Variants in NCAM2 observed in about 807,000 individuals in gnomAD.
NCAM2 encodes the protein neural cell adhesion molecule 2, also known as N-CAM-2.
In NCAM2, 30 loss-of-function variants were observed where a neutral mutation model predicts 98.1. The observed-to-expected ratio is 0.31, with a 90% CI of 0.23 to 0.41. The LOEUF (loss-of-function observed/expected upper bound fraction) is 0.41, where lower values mean the gene tolerates loss of function less well. Ranked by LOEUF, NCAM2 falls within the 10% of genes least tolerant of loss-of-function variation. The pLI is 1.00. For missense variants in NCAM2, 867 were observed against 1,005.8 expected, an observed-to-expected ratio of 0.86 and a Z score of 1.87; for synonymous variants, 368 against 342.4, an observed-to-expected ratio of 1.07 and a Z score of -0.83.
Position 21,325,402 on chromosome 21 carries a change from T to C in NCAM2, c.737+902T>C, listed in dbSNP as rs149169795. Among the ~76,000 whole-genome samples, 1,432 of 152,334 alleles carry C rather than the reference T, an allele frequency of 9.4e-3. 10 individuals are homozygous for C. The highest frequency in any genetic ancestry group is 0.013 in the Non-Finnish European group (907 of 68,016). ...TTTTTTGCTTGAGCATGTACTGATA[T>C]TACCTTCAACTTTCAACCCTTTGTT... On this transcript the variant is annotated intron_variant, in intron 6 of 17. Coordinates refer to ENST00000400546, the MANE Select transcript of NCAM2 (RefSeq NM_004540.5).
Position 21,265,002 on chromosome 21 carries a change from ATACACATATATAT to A in NCAM2, c.56-15573_56-15561del. Reference sequence around the variant, plus strand: ...ATATTATATATGTGTATGTGTATATATACACATATATATTATATATGTGTCTGTGTATATATGT... The same window carrying A: ...ATATTATATATGTGTATGTGTATATATATATATGTGTCTGTGTATATATGT... On this transcript the variant is annotated intron_variant, in intron 1 of 17. Transcript: ENST00000400546. Among the ~76,000 whole-genome samples the A allele has an allele frequency of 1.8e-5, 2 of 110,248 alleles. 1 individual carries two copies. Among genetic ancestry groups the A allele is most frequent in the Non-Finnish European group, 3.6e-5 (2 of 55,050 alleles). The allele number at this position is 110,248 out of a possible 152,430, so 72.3% of individuals were successfully genotyped here. A position where few individuals can be genotyped will look rare whatever the true frequency, so the allele number is the denominator to read the frequency against.
chr21:21,391,282 A>G (rs1367653528), intron 9 of NCAM2, among the ~76,000 whole-genome samples: 4 of 152,212 alleles, frequency 2.6e-5, no homozygotes, highest in African/African-American at 9.6e-5. Flanking sequence ...ATAATTGAAC[A>G]TACTTACAAA....
chr21:21,205,121 C>G (rs1362411301), intron 1 of NCAM2, among the ~76,000 whole-genome samples: 1 of 152,116 alleles, frequency 6.6e-6, no homozygotes, highest in African/African-American at 2.4e-5. Flanking sequence ...AAACCGTATT[C>G]ATTTCTTGTT....
chr21:21,050,661 G>A (rs1380613535), intron 1 of NCAM2, among the ~76,000 whole-genome samples: 1 of 152,100 alleles, frequency 6.6e-6, no homozygotes, highest in Non-Finnish European at 1.5e-5. Flanking sequence ...GTCTGATATT[G>A]GAGATCTAAC....
chr21:21,087,802 C>A (rs1353552601), intron 1 of NCAM2, among the ~76,000 whole-genome samples: 1 of 152,060 alleles, frequency 6.6e-6, no homozygotes, highest in African/African-American at 2.4e-5. Flanking sequence ...CTTTCTTTGG[C>A]CCCTGGAAGG....
intron 5 of NCAM2, among the ~76,000 whole-genome samples, chr21:21,323,497 A>G (rs2074430757): frequency 1.3e-5 from 2 of 152,176 alleles, no homozygotes; most frequent in Non-Finnish European, 2.9e-5. Flanking sequence ...TGTAAAAAAT[A>G]TTAATATACT....
intron 1 of NCAM2, among the ~76,000 whole-genome samples, chr21:21,011,802 C>A: frequency 6.6e-6 from 1 of 151,026 alleles, no homozygotes; most frequent in South Asian, 2.1e-4. Flanking sequence ...ACAAATAACC[C>A]AATTTAAAAA....
chr21:21,399,485 G>C (rs562091779), intron 9 of NCAM2, among the ~76,000 whole-genome samples: 3 of 152,290 alleles, frequency 2.0e-5, no homozygotes, highest in African/African-American at 7.2e-5. Context: ...GCTTTGAAGA[G>C]TATGTAGGAC....
intron 9 of NCAM2, among the ~76,000 whole-genome samples, chr21:21,389,547 A>G: frequency 6.6e-6 from 1 of 152,220 alleles, no homozygotes; most frequent in East Asian, 1.9e-4. Context: ...ATCTAACTGC[A>G]ATTTTGTACC....
chr21:21,134,828 C>T (rs1186595001), intron 1 of NCAM2, among the ~76,000 whole-genome samples: 1 of 151,894 alleles, frequency 6.6e-6, no homozygotes, highest in Admixed American at 6.6e-5. Context: ...ATCCTCCCAC[C>T]TCAGCCTCCT....
chr21:21,352,278 T>TTGG (rs986009154), intron 8 of NCAM2, among the ~76,000 whole-genome samples: 4 of 151,666 alleles, frequency 2.6e-5, no homozygotes, highest in East Asian at 3.9e-4. Flanking sequence ...GCTGTTGTTG[T>TTGG]TGGTGGTGGT....
intron 6 of NCAM2, among the ~76,000 whole-genome samples, chr21:21,326,896 T>C (rs992016543): frequency 1.3e-5 from 2 of 152,146 alleles, no homozygotes; most frequent in Non-Finnish European, 2.9e-5. Flanking sequence ...GTCATGTTTG[T>C]GGAAAAGAAA....
At chr21:21,355,639 G>A (rs554710965) in intron 8 of NCAM2, among the ~76,000 whole-genome samples, 37 of 151,332 alleles carry the variant, frequency 2.4e-4, no homozygotes, top group South Asian at 2.1e-3. Flanking sequence ...TATTTAAGGC[G>A]GAGTCTCGCT....
chr21:21,401,268 A>G (rs2076624259), intron 9 of NCAM2, among the ~76,000 whole-genome samples: 1 of 139,542 alleles, frequency 7.2e-6, no homozygotes, highest in Admixed American at 7.7e-5. Flanking sequence ...TATGTCTAAC[A>G]GTGTGGAATG....
chr21:21,192,605 G>A (rs972599237), intron 1 of NCAM2, among the ~76,000 whole-genome samples: 1 of 152,118 alleles, frequency 6.6e-6, no homozygotes, highest in Non-Finnish European at 1.5e-5. Context: ...GAATTGGGAT[G>A]TTTGTTGTAG....
chr21:21,353,257 A>T (rs1041991232), intron 8 of NCAM2, among the ~76,000 whole-genome samples: 4 of 152,208 alleles, frequency 2.6e-5, no homozygotes, highest in African/African-American at 9.7e-5. Context: ...GTACTTTATG[A>T]TGGAATACCA....
intron 12 of NCAM2, among the ~76,000 whole-genome samples, chr21:21,434,117 C>T (rs964774910): frequency 6.6e-6 from 1 of 152,188 alleles, no homozygotes; most frequent in African/African-American, 2.4e-5. Context: ...GTCCATCTGT[C>T]AGAGGCAGAT....
At chr21:21,442,213 A>G (rs1049472883) in intron 12 of NCAM2, among the ~76,000 whole-genome samples, 1 of 151,936 alleles carries the variant, frequency 6.6e-6, no homozygotes, top group African/African-American at 2.4e-5. Flanking sequence ...ATAAGGCGGA[A>G]CAGTTCAGAG....
In NCAM2 at chr21:21,500,994, T is replaced by TA. The variant is rs1987594337; in HGVS notation, c.2078-7850dup. ...TTTTAAAGCCGTGAGCATTTAATTT[T>TA]AAAAAAATTATTTTTGAACACTATT... On this transcript the variant is annotated intron_variant, in intron 15 of 17. Coordinates refer to ENST00000400546, the MANE Select transcript of NCAM2 (RefSeq NM_004540.5). Among the ~76,000 whole-genome samples the TA allele has an allele frequency of 3.3e-5, 5 of 152,050 alleles. No individual in the cohort carries two copies. In the South Asian group the frequency reaches 6.2e-4, roughly 19 times the overall value.
Sources: gnomAD v4.1 joint callset for allele counts (sites outside exome capture counted in the v4.1 genomes callset) on GRCh38, gnomAD v4.1.1 for gene constraint, MANE v1.5 for transcripts, NCBI Gene and HGNC (gene_info 2026-07-23, HGNC 2026-07-21) for gene names.